The following PRKN variants were observed in gnomAD, a reference collection of about 807,000 sequenced individuals.
PRKN encodes E3 ubiquitin-protein ligase parkin.
Under a neutral mutation model 59.5 loss-of-function variants are expected in PRKN, and 56 were observed. The observed-to-expected ratio is 0.94, with a 90% CI of 0.76 to 1.18. The LOEUF is 1.18. PRKN is among the 50% of genes most tolerant of loss of function. PRKN has a pLI of 0.00. For missense variants in PRKN, 657 were observed against 596.4 expected, an observed-to-expected ratio of 1.10 and a Z score of -1.06; for synonymous variants, 250 against 222.1, an observed-to-expected ratio of 1.13 and a Z score of -1.12.
At position 161,467,258 on chromosome 6, in the gene PRKN, A is replaced by C. The variant is rs1790525250; in HGVS notation, c.1084-80381T>G. ...TTAAGTATAATTCACTCATTCATTCATTCATTCACCCATTCATCAGTAAAT... is the reference window on the plus strand; with the variant it reads ...TTAAGTATAATTCACTCATTCATTCCTTCATTCACCCATTCATCAGTAAAT... On this transcript the variant is annotated intron_variant, in intron 9 of 11. Transcript: ENST00000366898. This position sits in a 1 kb window ranked among gnomAD's most constrained non-coding sequence, Gnocchi z 4.3. Among the ~76,000 whole-genome samples, 1 of 152,194 alleles carries C rather than the reference A, an allele frequency of 6.6e-6. No individual in the cohort carries two copies. Among genetic ancestry groups the C allele is most frequent in the Admixed American group, 6.5e-5 (1 of 15,284 alleles).
chr6:161,370,118 A>C, intron 10 of PRKN: 1 of 277,750 alleles, frequency 3.6e-6, no homozygotes, highest in Admixed American at 3.2e-5. Context: ...GAAGGCCTGG[A>C]TTGGCCTTAA....
chr6:162,407,461 G>A (rs1033338175), intron 2 of PRKN, among the ~76,000 whole-genome samples: 1 of 152,166 alleles, frequency 6.6e-6, no homozygotes, highest in African/African-American at 2.4e-5. Flanking sequence ...CATTGCAAAT[G>A]TCAAGTTCAT....
At chr6:161,604,813 T>C (rs1266046252) in intron 7 of PRKN, among the ~76,000 whole-genome samples, 1 of 152,120 alleles carries the variant, frequency 6.6e-6, no homozygotes, top group Non-Finnish European at 1.5e-5. Flanking sequence ...CACATACCTG[T>C]AATTCCAGCT....
At chr6:161,430,367 G>A (rs532867297) in intron 9 of PRKN, among the ~76,000 whole-genome samples, 2 of 152,162 alleles carry the variant, frequency 1.3e-5, no homozygotes, top group African/African-American at 2.4e-5. Flanking sequence ...AGTTCAACAT[G>A]AGTTTTGGAG....
chr6:162,429,977 G>T (rs1231451880), intron 2 of PRKN, among the ~76,000 whole-genome samples: 1 of 152,110 alleles, frequency 6.6e-6, no homozygotes, highest in African/African-American at 2.4e-5. Flanking sequence ...AGTAGTGCCA[G>T]ACCTTTGCAT....
chr6:162,401,534 T>C (rs1787793997), intron 2 of PRKN, among the ~76,000 whole-genome samples: 2 of 152,310 alleles, frequency 1.3e-5, no homozygotes, highest in Middle Eastern at 3.4e-3. Context: ...AAATATCTCA[T>C]GTAATTTATT....
chr6:161,853,191 G>A (rs144552239), intron 6 of PRKN, among the ~76,000 whole-genome samples: 38 of 152,220 alleles, frequency 2.5e-4, no homozygotes, highest in African/African-American at 8.7e-4. Flanking sequence ...AGATTTATGG[G>A]CTCTGATAGA....
At chr6:161,956,028 G>C (rs1299346633) in intron 6 of PRKN, among the ~76,000 whole-genome samples, 1 of 152,140 alleles carries the variant, frequency 6.6e-6, no homozygotes, top group Non-Finnish European at 1.5e-5. Context: ...TTCAAGTAAA[G>C]ACTTACCTAC....
intron 7 of PRKN, among the ~76,000 whole-genome samples, chr6:161,604,578 G>A (rs982064537): frequency 2.6e-5 from 4 of 152,180 alleles, no homozygotes; most frequent in Non-Finnish European, 4.4e-5. Flanking sequence ...TTCAGGCCAC[G>A]GATTTGATCC....
intron 3 of PRKN, among the ~76,000 whole-genome samples, chr6:162,255,651 G>C (rs1779611820): frequency 6.6e-6 from 1 of 152,158 alleles, no homozygotes; most frequent in South Asian, 2.1e-4. Context: ...AAGAAGTAGA[G>C]CCAAGACGGG....
At chr6:162,569,126 C>T in intron 1 of PRKN, 1 of 640,784 alleles carries the variant, frequency 1.6e-6, no homozygotes, top group Non-Finnish European at 2.9e-6. Flanking sequence ...GATCACCCAA[C>T]CTCAGCCGGG....
rs977033705 is a variant in PRKN, at chr6:161,575,777, T to C, written c.872-6361A>G. ...TGGTGCGAAACGCTTTGAGGATTAA[T>C]TTCTCTCTCGGCTATAGCTTAGAAT... is the stretch of plus-strand genomic sequence containing the variant. On this transcript the variant is annotated intron_variant, in intron 7 of 11. Coordinates refer to ENST00000366898, the MANE Select transcript of PRKN (RefSeq NM_004562.3). The surrounding 1 kb of genome is among the most constrained non-coding windows in gnomAD (Gnocchi z 4.6). Among the ~76,000 whole-genome samples the C allele has an allele frequency of 1.3e-5, 2 of 152,240 alleles. No individual in the cohort carries two copies. The highest frequency in any genetic ancestry group is 4.8e-5 in the African/African-American group (2 of 41,448).
At chr6:161,603,330 A>G (rs1320397237) in intron 7 of PRKN, among the ~76,000 whole-genome samples, 1 of 152,210 alleles carries the variant, frequency 6.6e-6, no homozygotes, top group Non-Finnish European at 1.5e-5. Flanking sequence ...CAGGCAGTCA[A>G]CTTGGAATTA....
At chr6:162,055,228 G>T (rs181971766) in intron 4 of PRKN, among the ~76,000 whole-genome samples, 7 of 152,246 alleles carry the variant, frequency 4.6e-5, no homozygotes, top group Admixed American at 3.3e-4. Flanking sequence ...GGGCACAGGG[G>T]ATCAGGAGCA....
At position 162,647,947 on chromosome 6, in the gene PRKN, TGCAAAAAAAA is replaced by T. The variant is rs1165363507; in HGVS notation, c.7+79705_7+79714del. On this transcript the variant is annotated intron_variant, in intron 1 of 11. Coordinates refer to ENST00000366898, the MANE Select transcript of PRKN (RefSeq NM_004562.3). ...TAGAACCATCTCTATATGTCCACAG[TGCAAAAAAAA>T]AAAAAAAAAAAAAAAAAAAAGTCTA... 6.1e-3 allele frequency among the ~76,000 whole-genome samples: 95 copies of T among 15,556 alleles called. 3 individuals carry two copies. Among genetic ancestry groups the T allele is most frequent in the African/African-American group, 0.026 (74 of 2,854 alleles). The allele number at this position is 15,556 out of a possible 152,430, so 10.2% of individuals were successfully genotyped here.
intron 5 of PRKN, among the ~76,000 whole-genome samples, chr6:162,022,631 A>T (rs2851399): frequency 6.6e-6 from 1 of 151,956 alleles, no homozygotes; most frequent in East Asian, 1.9e-4. Context: ...TTGTCAGTTT[A>T]CTCTGTTGAT....
intron 4 of PRKN, among the ~76,000 whole-genome samples, chr6:162,195,904 C>CATCT (rs1422520093): frequency 2.6e-5 from 4 of 152,144 alleles, no homozygotes; most frequent in Non-Finnish European, 5.9e-5. Context: ...ATTTCAAGAC[C>CATCT]AGATGCTGTA....
chr6:162,323,705 T>C (rs369906536), intron 2 of PRKN, among the ~76,000 whole-genome samples: 5 of 152,064 alleles, frequency 3.3e-5, no homozygotes, highest in African/African-American at 7.2e-5. Flanking sequence ...AATGAGATAC[T>C]ACTACAAACC....
chr6:161,702,981 C>G (rs532489507), intron 7 of PRKN, among the ~76,000 whole-genome samples: 2 of 145,788 alleles, frequency 1.4e-5, no homozygotes, highest in Non-Finnish European at 3.0e-5. Flanking sequence ...CATGTACCTA[C>G]CAAAGAATTT....
Sources: gnomAD v4.1 joint callset for allele counts (sites outside exome capture counted in the v4.1 genomes callset) on GRCh38, gnomAD v4.1.1 for gene constraint, Gnocchi (gnomAD v3.1) non-coding constraint, MANE v1.5 for transcripts, NCBI Gene and HGNC (gene_info 2026-07-23, HGNC 2026-07-21) for gene names.